Variants in CWC27 observed in about 807,000 individuals in gnomAD.
The protein encoded by CWC27 is spliceosome-associated protein CWC27 homolog.
In CWC27, 47 loss-of-function variants were observed where a neutral mutation model predicts 63.6. The observed-to-expected ratio is 0.74, with a 90% CI of 0.58 to 0.94. CWC27 has a LOEUF of 0.94. Among genes scored for constraint, CWC27 ranks in the 40% least tolerant of loss-of-function variants. The probability of loss-of-function intolerance (pLI) is 0.00; values close to 1 mark genes in which losing one functional copy is unlikely to be tolerated. For synonymous variants in CWC27, 175 were observed against 179.8 expected (o/e 0.97, Z 0.22); for missense variants, 495 against 554.3 (o/e 0.89, Z 1.07).
intron 11 of CWC27, among the ~76,000 whole-genome samples, chr5:64,894,058 T>A (rs1747308187): frequency 6.6e-6 from 1 of 151,764 alleles, no homozygotes; most frequent in Non-Finnish European, 1.5e-5. Flanking sequence ...GCCTCCCGAG[T>A]AGCTGGAATT....
chr5:64,840,349 T>A (rs1200296822), intron 10 of CWC27, among the ~76,000 whole-genome samples: 1 of 125,992 alleles, frequency 7.9e-6, no homozygotes, highest in Non-Finnish European at 1.6e-5. Flanking sequence ...TGTGTGTTTT[T>A]ATCCTTTTTC....
At chr5:64,893,561 T>C (rs1213323442) in intron 11 of CWC27, among the ~76,000 whole-genome samples, 1 of 145,476 alleles carries the variant, frequency 6.9e-6, no homozygotes, top group East Asian at 2.1e-4. Context: ...TTTTGAGTAT[T>C]AGTATTTTTT....
chr5:64,923,271 A>G (rs1017275530), intron 11 of CWC27, among the ~76,000 whole-genome samples: 9 of 152,124 alleles, frequency 5.9e-5, no homozygotes, highest in Admixed American at 5.2e-4. Flanking sequence ...TGCTGCATTC[A>G]GACATGGCCA....
At chr5:64,896,481 A>G (rs899579505) in intron 11 of CWC27, among the ~76,000 whole-genome samples, 2 of 152,226 alleles carry the variant, frequency 1.3e-5, no homozygotes, top group Non-Finnish European at 2.9e-5. Flanking sequence ...CATAGTATAT[A>G]ACTTTGGTGA....
intron 11 of CWC27, among the ~76,000 whole-genome samples, chr5:64,962,498 A>G (rs1299047145): frequency 1.3e-5 from 2 of 152,194 alleles, no homozygotes; most frequent in Non-Finnish European, 2.9e-5. Flanking sequence ...TTAGAGAGGT[A>G]GGAACTAAAA....
At chr5:64,890,235 T>C (rs1747197487) in intron 11 of CWC27, among the ~76,000 whole-genome samples, 2 of 152,172 alleles carry the variant, frequency 1.3e-5, no homozygotes, top group African/African-American at 4.8e-5. Flanking sequence ...TCATGAAACA[T>C]ATCCCTGAGG....
intron 11 of CWC27, among the ~76,000 whole-genome samples, chr5:64,929,895 G>A (rs1748203689): frequency 1.4e-5 from 2 of 146,988 alleles, no homozygotes; most frequent in African/African-American, 5.2e-5. Flanking sequence ...GAAAGCAAGT[G>A]TTTAAAAAAA....
In CWC27 at chr5:64,850,217, G is replaced by A. The variant is rs893543885; in HGVS notation, c.939-35226G>A. Among the ~76,000 whole-genome samples the A allele has an allele frequency of 3.6e-4, 25 of 69,238 alleles. No individual in the cohort carries two copies. In the South Asian group the frequency reaches 0.012, roughly 34 times the overall value. 45.4% of individuals were successfully genotyped at this position (69,238 alleles called of 152,430 possible). A position where few individuals can be genotyped will look rare whatever the true frequency, so the allele number is the denominator to read the frequency against. On this transcript the variant is annotated intron_variant, in intron 10 of 13. Coordinates refer to ENST00000381070, the MANE Select transcript of CWC27 (RefSeq NM_005869.4). The stretch of plus-strand genomic sequence containing the variant: ...AAGTTGTAGTAATTAAAACAGCTTG[G>A]TACTGGCCAAAAAAAAAGACCCGTC...
At chr5:64,792,946 T>C (rs1010091925) in intron 7 of CWC27, among the ~76,000 whole-genome samples, 3 of 152,188 alleles carry the variant, frequency 2.0e-5, no homozygotes, top group South Asian at 2.1e-4. Context: ...TGATTTATTA[T>C]ACAATACTGA....
chr5:64,938,098 A>C (rs1280250652), intron 11 of CWC27, among the ~76,000 whole-genome samples: 1 of 151,976 alleles, frequency 6.6e-6, no homozygotes, highest in Non-Finnish European at 1.5e-5. Flanking sequence ...CATTTAGCCC[A>C]TTTACATTTA....
intron 11 of CWC27, among the ~76,000 whole-genome samples, chr5:64,925,891 G>A (rs939418418): frequency 2.6e-5 from 4 of 152,060 alleles, no homozygotes; most frequent in African/African-American, 7.2e-5. Context: ...CCATTGGCCT[G>A]AGCACCTTCT....
rs181838059 is a variant in CWC27 at position 64,848,413 on chromosome 5, A to G, written c.939-37030A>G. Among the ~76,000 whole-genome samples, 17 of 152,242 alleles carry G rather than the reference A, an allele frequency of 1.1e-4. 1 individual carries two copies. In the East Asian group the frequency reaches 3.3e-3, roughly 29 times the overall value. ...CACAGCTGAATTATAGTAAACATTT[A>G]AAGAACTGATATCAATCCTTCTCAA... On this transcript the variant is annotated intron_variant, in intron 10 of 13. Transcript: ENST00000381070.
chr5:64,892,787 CTA>C (rs1747272502), intron 11 of CWC27, among the ~76,000 whole-genome samples: 1 of 151,654 alleles, frequency 6.6e-6, no homozygotes, highest in Admixed American at 6.6e-5. Context: ...GGGGTTTAGA[CTA>C]TGTGGGAGCA....
intron 10 of CWC27, among the ~76,000 whole-genome samples, chr5:64,830,375 A>C (rs1745486306): frequency 6.6e-6 from 1 of 152,172 alleles, no homozygotes; most frequent in African/African-American, 2.4e-5. Context: ...GGCTAGCCAT[A>C]TGTGGAAAGC....
chr5:64,772,042 A>T (rs1743275422), intron 1 of CWC27, among the ~76,000 whole-genome samples: 3 of 152,206 alleles, frequency 2.0e-5, no homozygotes, highest in Admixed American at 1.3e-4. Context: ...ATCCTAAAAG[A>T]TATTATTATC....
At chr5:64,840,382 AAAAAAAAAAAAAATATATATATAT>A (rs1745782138) in intron 10 of CWC27, among the ~76,000 whole-genome samples, 2 of 69,510 alleles carry the variant, frequency 2.9e-5, no homozygotes, top group Non-Finnish European at 5.5e-5. Flanking sequence ...AAAAAAAAAA[AAAAAAAAAAAAAATATATATATAT>A]ATATATATAT....
intron 12 of CWC27, among the ~76,000 whole-genome samples, chr5:64,974,762 T>C (rs1315687705): frequency 3.9e-5 from 6 of 152,212 alleles, no homozygotes; most frequent in Non-Finnish European, 7.3e-5. Flanking sequence ...TGGAAGTATA[T>C]TTACCAAAAT....
At chr5:64,972,837 C>A in intron 12 of CWC27, 1 of 331,376 alleles carries the variant, frequency 3.0e-6, no homozygotes, top group Non-Finnish European at 6.0e-6. Context: ...GCAGTCAACA[C>A]ATGAACACAT....
intron 13 of CWC27, among the ~76,000 whole-genome samples, chr5:64,984,474 A>C (rs931920284): frequency 1.3e-5 from 2 of 152,228 alleles, no homozygotes; most frequent in African/African-American, 4.8e-5. Flanking sequence ...TAACAGGTAC[A>C]AATGGGCATG....
Sources: gnomAD v4.1 joint callset for allele counts (sites outside exome capture counted in the v4.1 genomes callset) on GRCh38, gnomAD v4.1.1 for gene constraint, MANE v1.5 for transcripts, NCBI Gene and HGNC (gene_info 2026-07-23, HGNC 2026-07-21) for gene names.